NBPF26: variants seen among roughly 807,000 people sequenced by gnomAD.
NBPF26 encodes NBPF member 26.
Under a neutral mutation model 119.6 loss-of-function variants are expected in NBPF26, and 79 were observed. The observed-to-expected ratio is 0.66, with a 90% CI of 0.55 to 0.80. NBPF26 has a LOEUF of 0.80. Ranked by LOEUF, NBPF26 falls within the 30% of genes least tolerant of loss-of-function variation. The pLI, the probability that NBPF26 is intolerant of heterozygous loss-of-function variation, is 0.00. For missense variants in NBPF26, 800 were observed against 1,198.2 expected (o/e 0.67, Z 4.91); for synonymous variants, 299 against 457.7 (o/e 0.65, Z 4.43).
chr1:120,838,709 C>T, intron 27 of NBPF26, 36 bp from the exon 34 acceptor site: 1 of 33,754 alleles, frequency 3.0e-5, no homozygotes, highest in South Asian at 1.6e-4. Context: ...GTCTGATTTC[C>T]CCTGGCTTAT....
chr1:120,785,017 C>A lies in NBPF26; in HGVS notation c.199C>A (p.Pro67Thr), dbSNP rs1371182279. 383 of 1,423,140 alleles carry A rather than the reference C, an allele frequency of 2.7e-4. 65 individuals are homozygous for A. In the East Asian group the frequency reaches 4.4e-3, roughly 16 times the overall value. The allele number at this position is 1,423,140 out of a possible 1,614,324, so 88.2% of individuals were successfully genotyped here. A position where few individuals can be genotyped will look rare whatever the true frequency, so the allele number is the denominator to read the frequency against. The change falls in exon 3 of 30, where the codon CCC becomes ACC. Residue 67 changes from proline to threonine, a missense_variant. Pro to Thr is a conservative substitution (Grantham distance 38, BLOSUM62 -1). This residue lies in a region of NBPF26 where 209 missense variants were observed against 285.2 expected (regional missense o/e 0.73). Coordinates refer to ENST00000620612, the Ensembl canonical transcript of NBPF26. ...GGGGGAATATTGTCAACATCGAGAC[C>A]CCTGTGAGAAGAACCGCTGCCAGAA...
rs1173600549 is a variant in NBPF26 at position 120,807,348 on chromosome 1, C to T, written c.962-259C>T. ...AGACCTCAGGGACTGTGAGTTCTGA[C>T]TCCACTTCGTTGTGGTTGAATCATC... On this transcript the variant is annotated intron_variant, in intron 5 of 29. Coordinates refer to ENST00000620612, the Ensembl canonical transcript of NBPF26. Among the ~76,000 whole-genome samples, 6 of 125,140 alleles carry T rather than the reference C, an allele frequency of 4.8e-5. 3 individuals carry two copies. Among genetic ancestry groups the T allele is most frequent in the African/African-American group, 1.5e-4 (4 of 25,826 alleles). The allele number at this position is 125,140 out of a possible 152,430, so 82.1% of individuals were successfully genotyped here.
chr1:120,811,507 T>C (rs1651865131), intron 9 of NBPF26, among the ~76,000 whole-genome samples: 1 of 112,910 alleles, frequency 8.9e-6, no homozygotes, highest in Non-Finnish European at 1.7e-5. Context: ...ATTGTGCCTC[T>C]GCACTGCAGC....
intron 3 of NBPF26, among the ~76,000 whole-genome samples, chr1:120,789,407 T>G: frequency 1.0e-5 from 1 of 99,510 alleles, no homozygotes; most frequent in Non-Finnish European, 1.8e-5. Flanking sequence ...GACTTACAGT[T>G]CCATATGGCT....
intron 29 of NBPF26, 34 bp from the exon 36 acceptor site, chr1:120,840,316 C>T: frequency 6.9e-7 from 1 of 1,444,326 alleles, no homozygotes; most frequent in Non-Finnish European, 9.2e-7. Context: ...CCGATTTTCC[C>T]TGGCTGCTTC....
exon 5 of NBPF26, chr1:120,805,743 G>T (rs1651666562): frequency 2.1e-6 from 3 of 1,437,958 alleles, no homozygotes; most frequent in African/African-American, 2.2e-5. Flanking sequence ...CCGGCTTCCT[G>T]GCCAACCGAC....
intron 5 of NBPF26, 79 bp downstream of exon 5, chr1:120,805,844 A>T (rs1302113499): frequency 1.8e-6 from 2 of 1,141,908 alleles, no homozygotes; most frequent in Non-Finnish European, 2.4e-6. Context: ...TGCTCTCTCC[A>T]TCAAAAAGAA....
chr1:120,750,760 C>G (rs1160703964), intron 1 of NBPF26, among the ~76,000 whole-genome samples: 1 of 112,730 alleles, frequency 8.9e-6, no homozygotes, highest in Non-Finnish European at 1.7e-5. Context: ...AATTTATAAA[C>G]TTGTTCTTCT....
At chr1:120,755,951 T>C (rs1651075894) in intron 1 of NBPF26, among the ~76,000 whole-genome samples, 1 of 108,618 alleles carries the variant, frequency 9.2e-6, no homozygotes, top group Admixed American at 8.9e-5. Flanking sequence ...TTTTTTTTTT[T>C]TTTTCCTTTC....
intron 10 of NBPF26, among the ~76,000 whole-genome samples, chr1:120,812,913 A>T (rs1483284691): frequency 8.8e-5 from 8 of 90,428 alleles, no homozygotes; most frequent in African/African-American, 5.5e-4. Context: ...ACAGGGCAAG[A>T]CTGCTAAAAA....
Position 120,811,068 on chromosome 1 carries a change from G to A in NBPF26, c.1564+510G>A, listed in dbSNP as rs1477480357. ...ATCCTGGCTAACACGGTGAAACCCC[G>A]TCTTTACTAAAAATACAAAAAAAAA... is the stretch of plus-strand genomic sequence containing the variant. On this transcript the variant is annotated intron_variant, in intron 9 of 29. Coordinates refer to ENST00000620612, the Ensembl canonical transcript of NBPF26. Among the ~76,000 whole-genome samples the A allele has an allele frequency of 4.2e-5, 4 of 95,650 alleles. 1 individual carries two copies. The highest frequency in any genetic ancestry group is 4.7e-4 in the East Asian group (2 of 4,278). The allele number at this position is 95,650 out of a possible 152,430, so 62.8% of individuals were successfully genotyped here. A position where few individuals can be genotyped will look rare whatever the true frequency, so the allele number is the denominator to read the frequency against.
intron 2 of NBPF26, among the ~76,000 whole-genome samples, chr1:120,781,594 C>T (rs1443550022): frequency 6.7e-5 from 3 of 45,036 alleles, no homozygotes; most frequent in Admixed American, 2.0e-4. Flanking sequence ...GAGGGAGTCT[C>T]GCTCTGTCGC....
At chr1:120,724,228 G>C in exon 1 of NBPF26, 2 of 1,405,562 alleles carry the variant, frequency 1.4e-6, no homozygotes, top group South Asian at 2.5e-5. Context: ...CGCTCTGGCT[G>C]TGCTGGGCGG....
intron 1 of NBPF26, among the ~76,000 whole-genome samples, chr1:120,734,258 C>T (rs1338264524): frequency 1.2e-4 from 1 of 8,298 alleles, no homozygotes; most frequent in Non-Finnish European, 1.8e-4. Context: ...TAATTTCAGG[C>T]CATATGAATG....
chr1:120,780,024 C>T (rs1385955169), intron 2 of NBPF26, among the ~76,000 whole-genome samples: 1 of 131,404 alleles, frequency 7.6e-6, no homozygotes, highest in Non-Finnish European at 1.6e-5. Context: ...GCCTGTTATT[C>T]TACCAGGCAG....
exon 6 of NBPF26, chr1:120,807,625 A>T (rs1651733885): frequency 1.3e-6 from 2 of 1,501,778 alleles, no homozygotes; most frequent in Middle Eastern, 2.3e-4. Flanking sequence ...GAGTGTAAAG[A>T]CCTCATAAAA....
At chr1:120,821,970 T>C (rs1170487279) in intron 15 of NBPF26, 134 bp from the exon 16 acceptor site, 2 of 1,099,976 alleles carry the variant, frequency 1.8e-6, no homozygotes, top group Non-Finnish European at 2.5e-6. Flanking sequence ...ATAGTTTTAT[T>C]CCTCTTGAAG....
rs1651862931 is a variant in NBPF26 at position 120,811,443 on chromosome 1, G to A, written c.1565-443G>A. Among the ~76,000 whole-genome samples, 4 of 112,188 alleles carry A rather than the reference G, an allele frequency of 3.6e-5. 2 individuals are homozygous for A. The highest frequency in any genetic ancestry group is 1.0e-4 in the African/African-American group (2 of 19,134). The allele number at this position is 112,188 out of a possible 152,430, so 73.6% of individuals were successfully genotyped here. On this transcript the variant is annotated intron_variant, in intron 9 of 29. Coordinates refer to ENST00000620612, the Ensembl canonical transcript of NBPF26. The stretch of plus-strand genomic sequence containing the variant: ...GCTTGTAATCCCAGATGCTTGGCAG[G>A]CTGAGGGATGAGAATCACTTGAACC...
chr1:120,778,580 G>GT (rs1412892781), intron 2 of NBPF26, among the ~76,000 whole-genome samples: 4 of 18,204 alleles, frequency 2.2e-4, no homozygotes, highest in African/African-American at 6.9e-4. Context: ...TGTTGTTGTT[G>GT]TTTTTTTTTG....
Sources: allele counts gnomAD v4.1 joint callset (sites outside exome capture counted in the v4.1 genomes callset), GRCh38; gene constraint gnomAD v4.1.1; regional missense constraint gnomAD v4.1.1; transcripts MANE v1.5; gene names NCBI Gene and HGNC (gene_info 2026-07-23, HGNC 2026-07-21).